MAGED1: variants seen among roughly 807,000 people sequenced by gnomAD.
MAGED1 encodes the protein MAGE family member D1, also known as melanoma-associated antigen D1.
Under a neutral mutation model 54.1 loss-of-function variants are expected in MAGED1, and 3 were observed. The observed-to-expected ratio is 0.06, with a 90% confidence interval of 0.03 to 0.14. The LOEUF (loss-of-function observed/expected upper bound fraction) is 0.14. Among genes scored for constraint, MAGED1 ranks in the 10% least tolerant of loss-of-function variants. The pLI is 1.00. For missense variants in MAGED1, 485 were observed against 623.4 expected (o/e 0.78, Z 2.36); for synonymous variants, 217 against 227.3 (o/e 0.95, Z 0.41).
chrX:51,894,511 G>A, intron 2 of MAGED1, 162 bp downstream of exon 2: 1 of 810,176 alleles, frequency 1.2e-6, no homozygotes. Flanking sequence ...GGGGGGAGGG[G>A]CGTCTCTTTT....
chrX:51,803,733 T>A (rs1557354784), intron 1 of MAGED1, among the ~76,000 whole-genome samples: 1 of 107,169 alleles, frequency 9.3e-6, no homozygotes, highest in Non-Finnish European at 1.9e-5. Context: ...TCTTTTTTTT[T>A]TTTTTTTTTA....
intron 10 of MAGED1, 66 bp from the exon 11 acceptor site, chrX:51,900,116 A>T (rs1035177012): frequency 5.8e-6 from 4 of 689,755 alleles, no homozygotes; most frequent in Non-Finnish European, 9.2e-6. Context: ...ATGTAAGATT[A>T]TTTTTCATTA....
chrX:51,846,398 A>G (rs1194794160), intron 1 of MAGED1, among the ~76,000 whole-genome samples: 4 of 111,408 alleles, frequency 3.6e-5, no homozygotes, highest in Admixed American at 2.9e-4. Flanking sequence ...GCCACGAGCC[A>G]AGGAATGTAG....
At chrX:51,884,672 C>T (rs1557362709) in intron 1 of MAGED1, among the ~76,000 whole-genome samples, 2 of 111,877 alleles carry the variant, frequency 1.8e-5, no homozygotes, top group Non-Finnish European at 3.8e-5. Context: ...CCAAAGTACA[C>T]GAAAGAAACT....
intron 1 of MAGED1, among the ~76,000 whole-genome samples, chrX:51,860,275 GA>G (rs1198080224): frequency 9.0e-6 from 1 of 111,132 alleles, no homozygotes; most frequent in Non-Finnish European, 1.9e-5. Context: ...AAAAAGAAAA[GA>G]AAAAAAGGAG....
At position 51,895,480 on chromosome X, in the gene MAGED1, A is replaced by G; in HGVS notation, c.473A>G (p.Asn158Ser). Residue 158 changes from asparagine (N) to serine (S), a missense_variant, in exon 3 of 13, where the codon AAT becomes AGT. By Grantham distance (46) the Asn-to-Ser change is conservative (BLOSUM62 1). Transcript: ENST00000326587. ...AATGCCACTACTAAAGTGGGCCCAA[A>G]TGCCACCTACAATTTCTCTCAGTCT... ...AQNATTKVGP[N>S]ATYNFSQSLN... 8.3e-7 allele frequency: 1 copy of G among 1,209,672 alleles called. No individual in the cohort carries two copies. Among genetic ancestry groups the G allele is most frequent in the Non-Finnish European group, 1.1e-6 (1 of 894,445 alleles).
intron 1 of MAGED1, among the ~76,000 whole-genome samples, chrX:51,822,056 C>T (rs782118987): frequency 9.0e-6 from 1 of 111,296 alleles, no homozygotes; most frequent in East Asian, 2.8e-4. Flanking sequence ...CTTGTAATGC[C>T]TCTGTCTGGT....
At chrX:51,867,388 A>G (rs185355935) in intron 1 of MAGED1, among the ~76,000 whole-genome samples, 90 of 112,171 alleles carry the variant, frequency 8.0e-4, no homozygotes, top group African/African-American at 2.3e-3. Flanking sequence ...ACAATAGGCT[A>G]TCGGCAAGCT....
chrX:51,846,640 C>T, intron 1 of MAGED1, among the ~76,000 whole-genome samples: 1 of 111,795 alleles, frequency 8.9e-6, no homozygotes, highest in Admixed American at 9.5e-5. Context: ...AACATAGCAG[C>T]TTCTGCTTCT....
chrX:51,805,220 A>C (rs1924984756), intron 1 of MAGED1, among the ~76,000 whole-genome samples: 1 of 112,134 alleles, frequency 8.9e-6, no homozygotes, highest in Admixed American at 9.5e-5. Flanking sequence ...TATGTTGTCC[A>C]TAAATATTTG....
intron 1 of MAGED1, among the ~76,000 whole-genome samples, chrX:51,846,704 C>T (rs782108202): frequency 9.0e-6 from 1 of 110,929 alleles, no homozygotes; most frequent in Non-Finnish European, 1.9e-5. Context: ...CTTACGTGGC[C>T]GGAGCAGGTG....
chrX:51,815,229 A>G (rs1925375452), intron 1 of MAGED1, among the ~76,000 whole-genome samples: 1 of 110,868 alleles, frequency 9.0e-6, no homozygotes, highest in East Asian at 2.8e-4. Context: ...CTTTCTACCT[A>G]TTAAAAAAAA....
At chrX:51,852,787 A>G (rs1557359876) in intron 1 of MAGED1, among the ~76,000 whole-genome samples, 1 of 111,973 alleles carries the variant, frequency 8.9e-6, no homozygotes, top group Non-Finnish European at 1.9e-5. Context: ...CCTTTTGTTA[A>G]TTCTGAAGAT....
intron 1 of MAGED1, among the ~76,000 whole-genome samples, chrX:51,877,792 T>C (rs1300150171): frequency 8.9e-6 from 1 of 112,056 alleles, no homozygotes; most frequent in Non-Finnish European, 1.9e-5. Flanking sequence ...CAACTGTGCA[T>C]GTATGTGTGT....
At chrX:51,817,955 A>G (rs1393560335) in intron 1 of MAGED1, among the ~76,000 whole-genome samples, 1 of 112,142 alleles carries the variant, frequency 8.9e-6, no homozygotes, top group Non-Finnish European at 1.9e-5. Context: ...AAGCCCATTT[A>G]CGCTATTTCT....
chrX:51,882,857 A>AT (rs2147003376), intron 1 of MAGED1, among the ~76,000 whole-genome samples: 1 of 110,189 alleles, frequency 9.1e-6, no homozygotes, highest in South Asian at 4.0e-4. Context: ...CGCCCGGCTA[A>AT]TTTTTGTATT....
chrX:51,875,553 T>C (rs1299231064), intron 1 of MAGED1, among the ~76,000 whole-genome samples: 1 of 112,064 alleles, frequency 8.9e-6, no homozygotes, highest in Admixed American at 9.5e-5. Context: ...AAGTGTTTTT[T>C]GTCAGGTTGG....
At chrX:51,900,508 G>GT (rs1327986256) in intron 11 of MAGED1, among the ~76,000 whole-genome samples, 3 of 108,280 alleles carry the variant, frequency 2.8e-5, no homozygotes, top group African/African-American at 1.0e-4. Context: ...TTTGTTTTGG[G>GT]TTTTTTTTTA....
chrX:51,893,079 G>A (rs1928508174), upstream of MAGED1, among the ~76,000 whole-genome samples: 1 of 110,741 alleles, frequency 9.0e-6, no homozygotes, highest in Non-Finnish European at 1.9e-5. Flanking sequence ...TGTGGGGGCG[G>A]GCAGGGGGTG....
Sources: allele counts gnomAD v4.1 joint callset (sites outside exome capture counted in the v4.1 genomes callset), GRCh38; gene constraint gnomAD v4.1.1; transcripts MANE v1.5; gene names NCBI Gene and HGNC (gene_info 2026-07-23, HGNC 2026-07-21).